CDH8: variants seen among roughly 807,000 people sequenced by gnomAD.
The protein encoded by CDH8 is cadherin 8.
CDH8 carries 17 observed loss-of-function variants against 68.1 expected under a neutral mutation model. The observed-to-expected ratio is 0.25, with a 90% CI of 0.17 to 0.37. The LOEUF is 0.37. Ranked by LOEUF, CDH8 falls within the 10% of genes least tolerant of loss-of-function variation. The pLI is 1.00. For synonymous variants in CDH8, 372 were observed against 365.1 expected (o/e 1.02, Z -0.21); for missense variants, 763 against 999.3 (o/e 0.76, Z 3.19).
At chr16:61,755,763 C>T (rs1010034635) in intron 8 of CDH8, among the ~76,000 whole-genome samples, 7 of 128,100 alleles carry the variant, frequency 5.5e-5, no homozygotes, top group Non-Finnish European at 1.0e-4. Context: ...TCTTTTTCTT[C>T]TTCTTCTCCT....
chr16:61,974,994 A>T (rs1244820728), intron 2 of CDH8, among the ~76,000 whole-genome samples: 1 of 152,220 alleles, frequency 6.6e-6, no homozygotes, highest in Non-Finnish European at 1.5e-5. Context: ...CATGACCTTT[A>T]GAGTAATGAA....
chr16:61,845,523 C>T (rs976268147), intron 4 of CDH8, among the ~76,000 whole-genome samples: 27 of 114,910 alleles, frequency 2.3e-4, no homozygotes, highest in Admixed American at 3.5e-4. Flanking sequence ...AAAAAAAAAA[C>T]TATCTAATTA....
intron 2 of CDH8, among the ~76,000 whole-genome samples, chr16:61,917,269 T>C (rs1303960900): frequency 6.6e-6 from 1 of 152,148 alleles, no homozygotes; most frequent in African/African-American, 2.4e-5. Context: ...GACAATTTTC[T>C]GGATGGCCTT....
At chr16:61,813,857 T>C (rs2142999543) in intron 7 of CDH8, among the ~76,000 whole-genome samples, 1 of 152,242 alleles carries the variant, frequency 6.6e-6, no homozygotes, top group African/African-American at 2.4e-5. Context: ...GGTCCTGATA[T>C]ATACCAAGCA....
chr16:61,914,446 C>CAGATGTG (rs1964206171), intron 2 of CDH8, among the ~76,000 whole-genome samples: 2 of 152,072 alleles, frequency 1.3e-5, no homozygotes, highest in Non-Finnish European at 2.9e-5. Flanking sequence ...TGTGCTTTAC[C>CAGATGTG]TGTCAAGAGA....
At chr16:61,961,725 T>C (rs1164074890) in intron 2 of CDH8, among the ~76,000 whole-genome samples, 2 of 152,242 alleles carry the variant, frequency 1.3e-5, no homozygotes, top group Non-Finnish European at 2.9e-5. Flanking sequence ...AAATGTTAGG[T>C]AAGATCAGTC....
chr16:61,784,003 C>T lies in CDH8; in HGVS notation c.1414+5343G>A, dbSNP rs555023930. Among the ~76,000 whole-genome samples, 1,220 of 152,174 alleles carry T rather than the reference C, an allele frequency of 8.0e-3. 19 individuals are homozygous for T. The highest frequency in any genetic ancestry group is 0.028 in the African/African-American group (1,149 of 41,518). On this transcript the variant is annotated intron_variant, in intron 8 of 11. Transcript: ENST00000577390. Reference sequence around the variant, plus strand: ...AATCATGCCAAAATGTAAAGACCATCGAGGCTAGGAAGAAACTGCATCAAC... The same window carrying T: ...AATCATGCCAAAATGTAAAGACCATTGAGGCTAGGAAGAAACTGCATCAAC...
chr16:61,804,283 A>G (rs1437633550), intron 7 of CDH8, among the ~76,000 whole-genome samples: 3 of 152,074 alleles, frequency 2.0e-5, no homozygotes, highest in Admixed American at 6.5e-5. Flanking sequence ...GAACAAAGAC[A>G]CAACATACCA....
chr16:62,014,600 A>T (rs1901892446), intron 2 of CDH8, among the ~76,000 whole-genome samples: 1 of 152,204 alleles, frequency 6.6e-6, no homozygotes, highest in South Asian at 2.1e-4. Flanking sequence ...GACACCGTAA[A>T]CTGTAATATA....
chr16:61,951,512 CAAAAAAA>C (rs574416496), intron 2 of CDH8, among the ~76,000 whole-genome samples: 10 of 72,894 alleles, frequency 1.4e-4, no homozygotes, highest in African/African-American at 4.1e-4. Flanking sequence ...GACTCCGTCT[CAAAAAAA>C]AAAAAAAAAA....
At chr16:61,878,925 G>A (rs1004791201) in intron 3 of CDH8, among the ~76,000 whole-genome samples, 2 of 152,046 alleles carry the variant, frequency 1.3e-5, no homozygotes, top group African/African-American at 4.8e-5. Context: ...TCCATTTAAC[G>A]CACCATGTTA....
At chr16:62,017,004 A>C (rs1009930329) in intron 2 of CDH8, among the ~76,000 whole-genome samples, 2 of 152,276 alleles carry the variant, frequency 1.3e-5, no homozygotes, top group East Asian at 1.9e-4. Context: ...CAGGTGGTCT[A>C]TAAAATACTC....
intron 2 of CDH8, among the ~76,000 whole-genome samples, chr16:61,941,999 C>T (rs765832854): frequency 6.6e-6 from 1 of 152,204 alleles, no homozygotes; most frequent in Non-Finnish European, 1.5e-5. Flanking sequence ...TGACCCCTCT[C>T]TTCTCACAAA....
At chr16:61,969,592 A>G (rs1167637055) in intron 2 of CDH8, among the ~76,000 whole-genome samples, 2 of 152,196 alleles carry the variant, frequency 1.3e-5, no homozygotes, top group Admixed American at 6.5e-5. Context: ...TAGATATTAT[A>G]TTATTTGCCA....
At chr16:61,777,504 GA>G (rs1337643361) in intron 8 of CDH8, among the ~76,000 whole-genome samples, 1 of 152,078 alleles carries the variant, frequency 6.6e-6, no homozygotes, top group Non-Finnish European at 1.5e-5. Context: ...TTGAGCTTAG[GA>G]CTGGGAGGCT....
At chr16:61,674,268 C>T (rs1963852012) in intron 10 of CDH8, among the ~76,000 whole-genome samples, 1 of 152,002 alleles carries the variant, frequency 6.6e-6, no homozygotes, top group African/African-American at 2.4e-5. Flanking sequence ...GCCTGGCCAA[C>T]ATGGTGAAAC....
intron 10 of CDH8, among the ~76,000 whole-genome samples, chr16:61,700,546 T>A (rs950405435): frequency 5.9e-5 from 9 of 152,190 alleles, no homozygotes; most frequent in African/African-American, 2.2e-4. Context: ...ACCAAAGTGC[T>A]GGGATTACGA....
chr16:61,656,164 G>A (rs1365629818), intron 10 of CDH8, among the ~76,000 whole-genome samples: 1 of 152,246 alleles, frequency 6.6e-6, no homozygotes, highest in Non-Finnish European at 1.5e-5. Context: ...GAGCCACTGC[G>A]CCCGGCCTGC....
chr16:61,756,337 C>A (rs1449661290), intron 8 of CDH8, among the ~76,000 whole-genome samples: 1 of 152,132 alleles, frequency 6.6e-6, no homozygotes, highest in Non-Finnish European at 1.5e-5. Context: ...TCTCCACTTA[C>A]AAATTTACTT....
Sources: gnomAD v4.1 joint callset for allele counts (sites outside exome capture counted in the v4.1 genomes callset) on GRCh38, gnomAD v4.1.1 for gene constraint, MANE v1.5 for transcripts, NCBI Gene and HGNC (gene_info 2026-07-23, HGNC 2026-07-21) for gene names.